Variants in IL31RA observed in about 807,000 individuals in gnomAD.
The protein encoded by IL31RA is interleukin 31 receptor A.
A neutral mutation model predicts 83.7 loss-of-function variants in IL31RA; 66 were observed. The ratio of observed to expected loss-of-function variants is 0.79; its 90% CI spans 0.65 to 0.97. The LOEUF (loss-of-function observed/expected upper bound fraction) is 0.97, where lower values mean the gene tolerates loss of function less well. Among genes scored for constraint, IL31RA ranks in the 50% least tolerant of loss-of-function variants. The pLI is 0.00. For synonymous variants in IL31RA, 325 were observed against 329.0 expected (o/e 0.99, Z 0.13); for missense variants, 798 against 919.4 (o/e 0.87, Z 1.71).
At chr5:55,914,957 T>C in intron 14 of IL31RA, 29 bp downstream of exon 14, 4 of 1,520,640 alleles carry the variant, frequency 2.6e-6, no homozygotes, top group Non-Finnish European at 3.7e-6. Flanking sequence ...ATTAAGGAAA[T>C]CATTGCCGTG....
intron 11 of IL31RA, 68 bp downstream of exon 11, chr5:55,908,479 T>G (rs1470641806): frequency 6.2e-7 from 1 of 1,613,858 alleles, no homozygotes; most frequent in Non-Finnish European, 8.5e-7. Flanking sequence ...ATAGACCTGT[T>G]GTAGGCATGG....
At position 55,920,497 on chromosome 5, in the gene IL31RA, C is replaced by T. The variant is rs570247779; in HGVS notation, c.*3377C>T. 2.0e-5 allele frequency among the ~76,000 whole-genome samples: 3 copies of T among 152,372 alleles called. No homozygotes were observed. The South Asian group carries it at 6.2e-4, about 32-fold the overall frequency. ...GTGTTGACAAAGTGTAATTGGAACA[C>T]AGCCATGCCCATCGTTGACCTATTC... On this transcript the variant is annotated 3_prime_UTR_variant, in exon 15 of 15. Coordinates refer to ENST00000652347, the MANE Select transcript of IL31RA (RefSeq NM_139017.7).
At chr5:55,908,982 T>A in intron 11 of IL31RA, 2 of 757,128 alleles carry the variant, frequency 2.6e-6, no homozygotes, top group Non-Finnish European at 3.4e-6. Flanking sequence ...CCATCACCAC[T>A]ATTTCCAGAA....
At chr5:55,906,745 A>G (rs1749183931) in intron 9 of IL31RA, among the ~76,000 whole-genome samples, 1 of 152,134 alleles carries the variant, frequency 6.6e-6, no homozygotes, top group Non-Finnish European at 1.5e-5. Flanking sequence ...TTTACTCTTT[A>G]TTTTTAATTT....
Position 55,903,307 on chromosome 5 carries a change from G to C in IL31RA, c.1070-2799G>C, listed in dbSNP as rs551528680. On this transcript the variant is annotated intron_variant, in intron 8 of 14. Transcript: ENST00000652347. The surrounding 1 kb of genome is among the most constrained non-coding windows in gnomAD (Gnocchi z 4.7). ...AGCAGCACCAGCACGTGAGCCCCGG[G>C]TGACTGTCTTCATGCAGATCACAAG... Among the ~76,000 whole-genome samples, 156 of 152,338 alleles carry C rather than the reference G, an allele frequency of 1.0e-3. 1 individual carries two copies. The highest frequency in any genetic ancestry group is 3.4e-3 in the African/African-American group (142 of 41,592).
chr5:55,911,938 T>A (rs1749521771), intron 12 of IL31RA, among the ~76,000 whole-genome samples: 1 of 151,996 alleles, frequency 6.6e-6, no homozygotes. Flanking sequence ...GTATGACATG[T>A]TTTTTTTACA....
chr5:55,912,974 T>A (rs1749584540), intron 12 of IL31RA, among the ~76,000 whole-genome samples: 2 of 152,036 alleles, frequency 1.3e-5, no homozygotes, highest in South Asian at 2.1e-4. Flanking sequence ...TCAAAAAAAA[T>A]TTATAAAAAT....
At chr5:55,908,534 G>T in intron 11 of IL31RA, 123 bp downstream of exon 11, 1 of 1,593,272 alleles carries the variant, frequency 6.3e-7, no homozygotes, top group Non-Finnish European at 8.6e-7. Context: ...GAATCACTTA[G>T]CTTCTTTAAA....
intron 5 of IL31RA, among the ~76,000 whole-genome samples, chr5:55,886,268 C>CTTGCTTTTTTTTTTTTTTTTT (rs1235138364): frequency 1.8e-4 from 13 of 71,500 alleles, no homozygotes; most frequent in South Asian, 6.1e-4. Context: ...TGCTTGCTTG[C>CTTGCTTTTTTTTTTTTTTTTT]TTTTTTTTTT....
At position 55,914,757 on chromosome 5, in the gene IL31RA, C is replaced by G. The variant is rs911207293; in HGVS notation, c.1737-90C>G. 1.1e-5 allele frequency: 11 copies of G among 967,330 alleles called. No homozygotes were observed. In the African/African-American group the frequency reaches 1.8e-4, roughly 16 times the overall value. The allele number at this position is 967,330 out of a possible 1,614,324, so 59.9% of individuals were successfully genotyped here. A position where few individuals can be genotyped will look rare whatever the true frequency, so the allele number is the denominator to read the frequency against. On this transcript the variant is annotated intron_variant, in intron 13 of 14. Coordinates refer to ENST00000652347, the MANE Select transcript of IL31RA (RefSeq NM_139017.7). ...ATTTAGGAGGGAAACTTACAATTCC[C>G]TTTAGCACAGCCTCACTCTTTTGAC...
chr5:55,904,405 C>T (rs1469075627), intron 8 of IL31RA, among the ~76,000 whole-genome samples: 5 of 152,114 alleles, frequency 3.3e-5, no homozygotes, highest in African/African-American at 4.8e-5. Flanking sequence ...CTCCAAGGCT[C>T]CAGCAGGGAC....
chr5:55,902,917 A>G (rs1447717737), intron 8 of IL31RA, among the ~76,000 whole-genome samples: 1 of 152,198 alleles, frequency 6.6e-6, no homozygotes, highest in African/African-American at 2.4e-5. Flanking sequence ...TAATGTGCCC[A>G]AGGTCTCTGG....
At chr5:55,859,200 A>G (rs1745522772) in intron 1 of IL31RA, among the ~76,000 whole-genome samples, 1 of 152,252 alleles carries the variant, frequency 6.6e-6, no homozygotes, top group South Asian at 2.1e-4. Flanking sequence ...CAAGGGCCAG[A>G]GGATGGCCTC....
intron 2 of IL31RA, 33 bp from the exon 3 acceptor site, chr5:55,868,756 TTG>T (rs1251352872): frequency 8.9e-7 from 1 of 1,129,412 alleles, no homozygotes; most frequent in Admixed American, 1.7e-5. Flanking sequence ...ACTGAAATTT[TTG>T]TGTTTGTGTG....
At chr5:55,908,945 A>G (rs1256664915) in intron 11 of IL31RA, 1 of 1,052,762 alleles carries the variant, frequency 9.5e-7, no homozygotes, top group Non-Finnish European at 1.2e-6. Context: ...ATTTAGTGGC[A>G]TTAGAAGCAT....
At chr5:55,847,191 C>G (rs1744944518), upstream of IL31RA, among the ~76,000 whole-genome samples, 1 of 140,370 alleles carries the variant, frequency 7.1e-6, no homozygotes, top group African/African-American at 2.7e-5. Flanking sequence ...TGTGGTGAGC[C>G]GAGATCATGC....
At chr5:55,895,219 C>G (rs1397914920) in intron 6 of IL31RA, among the ~76,000 whole-genome samples, 2 of 152,220 alleles carry the variant, frequency 1.3e-5, no homozygotes, top group Non-Finnish European at 2.9e-5. Context: ...GGGACATTTA[C>G]TCTCTTCTCC....
intron 5 of IL31RA, among the ~76,000 whole-genome samples, chr5:55,889,448 A>G (rs1177485622): frequency 6.6e-6 from 1 of 152,246 alleles, no homozygotes; most frequent in Non-Finnish European, 1.5e-5. Flanking sequence ...AAAACGAAAA[A>G]GCCGAGGAGT....
At chr5:55,864,022 C>T (rs183978468) in intron 2 of IL31RA, among the ~76,000 whole-genome samples, 3 of 151,858 alleles carry the variant, frequency 2.0e-5, no homozygotes, top group East Asian at 3.9e-4. Flanking sequence ...ATTCAACCAA[C>T]GCAAGGGAGA....
Sources: allele counts gnomAD v4.1 joint callset (sites outside exome capture counted in the v4.1 genomes callset), GRCh38; gene constraint gnomAD v4.1.1; non-coding constraint Gnocchi (gnomAD v3.1); transcripts MANE v1.5; gene names NCBI Gene and HGNC (gene_info 2026-07-23, HGNC 2026-07-21).